BRD10: variants seen among roughly 807,000 people sequenced by gnomAD.
BRD10 encodes bromodomain containing 10, also known as uncharacterized bromodomain-containing protein 10.
At chr9:5,990,193 T>C in the BRD10 span, among the ~76,000 whole-genome samples, 4 of 152,338 alleles carry the variant, frequency 2.6e-5, 1 homozygote, top group South Asian at 8.3e-4. Flanking sequence ...AAGTAAGGAA[T>C]TGCGGACCCA....
the BRD10 span, among the ~76,000 whole-genome samples, chr9:5,967,618 GC>G: frequency 2.3e-4 from 34 of 148,962 alleles, no homozygotes; most frequent in Middle Eastern, 3.4e-3. Flanking sequence ...GCAGCTAGTT[GC>G]TATGAACTTT....
At chr9:5,899,843 C>A in the BRD10 span, among the ~76,000 whole-genome samples, 1 of 152,198 alleles carries the variant, frequency 6.6e-6, no homozygotes, top group East Asian at 1.9e-4. Flanking sequence ...AATTGTGTTG[C>A]ATTAGGACTT....
chr9:6,008,031 T>G, the BRD10 span: 6 of 1,157,220 alleles, frequency 5.2e-6, no homozygotes, highest in East Asian at 4.1e-5. Context: ...TGCCCTCCTC[T>G]CCCCTCCCCC....
the BRD10 span, among the ~76,000 whole-genome samples, chr9:5,982,751 A>C: frequency 8.5e-5 from 13 of 152,196 alleles, no homozygotes; most frequent in African/African-American, 3.1e-4. Context: ...TAAGACATCC[A>C]GCTTTCTGAC....
the BRD10 span, among the ~76,000 whole-genome samples, chr9:5,948,957 T>G: frequency 6.6e-6 from 1 of 152,100 alleles, no homozygotes; most frequent in Non-Finnish European, 1.5e-5. Flanking sequence ...CTTAAAAACT[T>G]GCAAATAAGG....
chr9:5,929,988 G>A, the BRD10 span, among the ~76,000 whole-genome samples: 6 of 151,972 alleles, frequency 3.9e-5, no homozygotes, highest in Non-Finnish European at 1.5e-5. Context: ...ACAGGCTATA[G>A]AAACCTCTAG....
chr9:5,960,093 A>AT, the BRD10 span, among the ~76,000 whole-genome samples: 5 of 152,160 alleles, frequency 3.3e-5, no homozygotes, highest in East Asian at 3.9e-4. Context: ...CAGCACATTG[A>AT]TTTTTTCTCT....
chr9:5,996,881 T>C, the BRD10 span, among the ~76,000 whole-genome samples: 75 of 152,316 alleles, frequency 4.9e-4, no homozygotes, highest in African/African-American at 1.7e-3. Flanking sequence ...ACAGAAGCTC[T>C]CTAGGTCACT....
the BRD10 span, among the ~76,000 whole-genome samples, chr9:5,890,051 G>C: frequency 6.6e-6 from 1 of 152,132 alleles, no homozygotes; most frequent in Non-Finnish European, 1.5e-5. Context: ...ATGAGAGTCT[G>C]GGACTAGATG....
chr9:6,007,208 C>G, the BRD10 span: 1 of 1,612,818 alleles, frequency 6.2e-7, no homozygotes, highest in African/African-American at 1.3e-5. Context: ...GAGAGAAGCG[C>G]TAACTTCTGC....
the BRD10 span, among the ~76,000 whole-genome samples, chr9:5,931,138 G>C: frequency 3.6e-4 from 55 of 152,204 alleles, no homozygotes; most frequent in Non-Finnish European, 6.6e-4. Context: ...CTCACCGGGA[G>C]TTACAGGAGA....
chr9:5,901,747 C>A, the BRD10 span, among the ~76,000 whole-genome samples: 3 of 152,160 alleles, frequency 2.0e-5, no homozygotes, highest in African/African-American at 7.2e-5. Flanking sequence ...GTCTCAAACT[C>A]CTGAGCACAA....
the BRD10 span, among the ~76,000 whole-genome samples, chr9:5,942,731 T>G: frequency 6.6e-6 from 1 of 152,174 alleles, no homozygotes; most frequent in Non-Finnish European, 1.5e-5. Context: ...AAAACATATT[T>G]TAAAACTAAT....
At chr9:5,919,808 G>C in the BRD10 span, 4 of 1,613,876 alleles carry the variant, frequency 2.5e-6, no homozygotes, top group East Asian at 2.2e-5. Context: ...AGAAACCTTA[G>C]ATGCTGGAGT....
At chr9:6,008,062 G>A in the BRD10 span, 36 of 982,560 alleles carry the variant, frequency 3.7e-5, no homozygotes, top group South Asian at 1.4e-3. Context: ...CGCGCGCACG[G>A]CCCTCGCCGG....
chr9:5,938,902 CA>C, the BRD10 span, among the ~76,000 whole-genome samples: 2 of 152,028 alleles, frequency 1.3e-5, no homozygotes, highest in African/African-American at 4.8e-5. Flanking sequence ...CAACCAAAGC[CA>C]TGAAGTAAAG....
the BRD10 span, among the ~76,000 whole-genome samples, chr9:5,940,840 A>ACAT: frequency 1.3e-5 from 2 of 152,318 alleles, no homozygotes; most frequent in East Asian, 3.9e-4. Flanking sequence ...ATCTTACTCA[A>ACAT]TGTTGAGGGG....
At chr9:5,903,921 G>A in the BRD10 span, among the ~76,000 whole-genome samples, 1 of 151,622 alleles carries the variant, frequency 6.6e-6, no homozygotes, top group Non-Finnish European at 1.5e-5. Flanking sequence ...GCAGTGGTGT[G>A]ATCTCAGCTC....
At chr9:5,932,297 T>A in the BRD10 span, among the ~76,000 whole-genome samples, 3 of 152,228 alleles carry the variant, frequency 2.0e-5, no homozygotes, top group East Asian at 3.9e-4. Flanking sequence ...TCATCTCGGA[T>A]GAAATTATTA....
Sources: allele counts gnomAD v4.1 joint callset (sites outside exome capture counted in the v4.1 genomes callset), GRCh38; gene constraint gnomAD v4.1.1; transcripts MANE v1.5; gene names NCBI Gene and HGNC (gene_info 2026-07-23, HGNC 2026-07-21).